The following CCSER2 variants were observed in gnomAD, a reference collection of about 807,000 sequenced individuals.
CCSER2 encodes coiled-coil serine rich protein 2, also known as serine-rich coiled-coil domain-containing protein 2.
Under a neutral mutation model 92.3 loss-of-function variants are expected in CCSER2, and 46 were observed. The ratio of observed to expected loss-of-function variants is 0.50; its 90% CI spans 0.39 to 0.64. The LOEUF (loss-of-function observed/expected upper bound fraction) is 0.64. CCSER2 is among the 30% of genes least tolerant of loss of function. The pLI is 0.00. For missense variants in CCSER2, 1,244 were observed against 1,238.9 expected (o/e 1.00, Z -0.06); for synonymous variants, 433 against 431.4 (o/e 1.00, Z -0.04).
chr10:84,393,691 G>A (rs1211991987), intron 3 of CCSER2, among the ~76,000 whole-genome samples: 1 of 152,096 alleles, frequency 6.6e-6, no homozygotes, highest in East Asian at 1.9e-4. Context: ...GTATTCCTGT[G>A]AATAAATCCT....
chr10:84,464,627 A>G (rs886669172), intron 7 of CCSER2, among the ~76,000 whole-genome samples: 1 of 152,210 alleles, frequency 6.6e-6, no homozygotes, highest in Non-Finnish European at 1.5e-5. Flanking sequence ...CTAGTCATCT[A>G]CAGTAACAAC....
intron 4 of CCSER2, among the ~76,000 whole-genome samples, chr10:84,419,088 C>T (rs777547132): frequency 3.9e-5 from 6 of 151,906 alleles, no homozygotes; most frequent in Non-Finnish European, 7.4e-5. Flanking sequence ...ATAAGCCATA[C>T]GAAATGGTCA....
chr10:84,396,271 GTATAT>G (rs1225130049), intron 3 of CCSER2, among the ~76,000 whole-genome samples: 12 of 148,736 alleles, frequency 8.1e-5, no homozygotes, highest in African/African-American at 2.2e-4. Flanking sequence ...AGTATATATA[GTATAT>G]TATATACCAT....
At chr10:84,468,343 A>G (rs1225252865) in intron 7 of CCSER2, among the ~76,000 whole-genome samples, 1 of 152,196 alleles carries the variant, frequency 6.6e-6, no homozygotes, top group Non-Finnish European at 1.5e-5. Flanking sequence ...CAGTGTTCCC[A>G]ATGCAAAGAG....
At position 84,371,676 on chromosome 10, in the gene CCSER2, C is replaced by G. The variant is rs780548735; in HGVS notation, c.624C>G (p.Asp208Glu). 3.7e-6 allele frequency: 6 copies of G among 1,613,764 alleles called. No homozygotes were observed. The highest frequency in any genetic ancestry group is 1.7e-5 in the Admixed American group (1 of 59,960). Residue 208 changes from aspartate (D) to glutamate (E), a missense_variant, in exon 2 of 10, where the codon GAC becomes GAG. By Grantham distance (45) the Asp-to-Glu change is conservative. Transcript: ENST00000372088. ...SSGESLAQSP[D>E]SSKSINCEKM... ...GAGAAAGCTTAGCTCAATCCCCAGACAGTAGTAAATCTATTAATTGTGAAA... is the reference window on the plus strand; with the variant it reads ...GAGAAAGCTTAGCTCAATCCCCAGAGAGTAGTAAATCTATTAATTGTGAAA...
intron 1 of CCSER2, among the ~76,000 whole-genome samples, chr10:84,337,068 G>T (rs776563305): frequency 3.9e-5 from 6 of 152,234 alleles, no homozygotes; most frequent in Non-Finnish European, 8.8e-5. Context: ...TTAGTAATCT[G>T]AGTGGAGATA....
At position 84,517,850 on chromosome 10, in the gene CCSER2, A is replaced by G. The variant is rs755835960; in HGVS notation, c.*3583A>G. The G allele has an allele frequency of 1.0e-4, 16 of 152,634 alleles. No homozygotes were observed. Among genetic ancestry groups the G allele is most frequent in the Non-Finnish European group, 2.2e-4 (15 of 68,060 alleles). The allele number at this position is 152,634 out of a possible 1,614,324, so 9.5% of individuals were successfully genotyped here. On this transcript the variant is annotated 3_prime_UTR_variant, in exon 10 of 10. Transcript: ENST00000372088. ...AGGTGCACTCTTGGTTTCTGAGCAG[A>G]GTTGTCATACTGGTTTCCTGGTCTC...
Position 84,477,568 on chromosome 10 carries a change from T to G in CCSER2, c.2236-7T>G, listed in dbSNP as rs1847223788. On this transcript the variant is annotated splice_region_variant and splice_polypyrimidine_tract_variant and intron_variant, in intron 8 of 9. Coordinates refer to ENST00000372088, the MANE Select transcript of CCSER2 (RefSeq NM_001284240.2). Reference sequence around the variant, plus strand: ...AACCAATGTAAAAATTTTGTGTTTTTGTTTAGGCAACTCAGCATATCTGCC... The same window carrying G: ...AACCAATGTAAAAATTTTGTGTTTTGGTTTAGGCAACTCAGCATATCTGCC... 6.3e-7 allele frequency: 1 copy of G among 1,588,586 alleles called. No homozygotes were observed. The highest frequency in any genetic ancestry group is 8.6e-7 in the Non-Finnish European group (1 of 1,158,228).
rs974363982 is a variant in CCSER2, at chr10:84,391,783, A to G, written c.1614+17968A>G. The G allele has an allele frequency of 4.2e-5, 66 of 1,566,336 alleles. No individual in the cohort carries two copies. In the Admixed American group the frequency reaches 9.6e-4, roughly 23 times the overall value. On this transcript the variant is annotated intron_variant, in intron 3 of 9. Transcript: ENST00000372088. Reference sequence around the variant, plus strand: ...ACCCTGGTGCACCTTTCTGAGAAACATAAGAGACAATGAGGAAAAGGATTC... The same window carrying G: ...ACCCTGGTGCACCTTTCTGAGAAACGTAAGAGACAATGAGGAAAAGGATTC...
chr10:84,486,165 C>T (rs1219817515), intron 9 of CCSER2, among the ~76,000 whole-genome samples: 1 of 152,102 alleles, frequency 6.6e-6, no homozygotes, highest in Non-Finnish European at 1.5e-5. Context: ...TGGGTTGGTT[C>T]CAAGTCTTTG....
At chr10:84,469,920 C>T (rs1297822825) in intron 7 of CCSER2, among the ~76,000 whole-genome samples, 1 of 151,598 alleles carries the variant, frequency 6.6e-6, no homozygotes, top group Non-Finnish European at 1.5e-5. Flanking sequence ...TTTAATTATT[C>T]TATTGCCTCT....
chr10:84,506,488 G>A (rs916668696), intron 9 of CCSER2, among the ~76,000 whole-genome samples: 1 of 152,134 alleles, frequency 6.6e-6, no homozygotes, highest in East Asian at 1.9e-4. Flanking sequence ...ACCTTTAGTG[G>A]TCTTCAATGG....
At chr10:84,425,629 A>G (rs1202897895) in intron 4 of CCSER2, 102 bp from the exon 5 acceptor site, 2 of 734,986 alleles carry the variant, frequency 2.7e-6, no homozygotes, top group East Asian at 3.3e-5. Flanking sequence ...TTTTTAAACT[A>G]TTATTTTTAT....
intron 1 of CCSER2, among the ~76,000 whole-genome samples, chr10:84,367,082 T>A (rs1346338237): frequency 1.3e-5 from 2 of 152,180 alleles, no homozygotes; most frequent in South Asian, 2.1e-4. Flanking sequence ...GTTTAAAAAA[T>A]TTTTTAAAGG....
At chr10:84,429,487 A>G (rs934688954) in intron 5 of CCSER2, among the ~76,000 whole-genome samples, 1 of 152,176 alleles carries the variant, frequency 6.6e-6, no homozygotes, top group South Asian at 2.1e-4. Context: ...GTTTTGCCAG[A>G]TGTAGACTTC....
intron 3 of CCSER2, among the ~76,000 whole-genome samples, chr10:84,393,314 C>G (rs1841633462): frequency 6.6e-6 from 1 of 152,058 alleles, no homozygotes; most frequent in African/African-American, 2.4e-5. Flanking sequence ...ACTCATGATT[C>G]TATCAAAACT....
intron 1 of CCSER2, among the ~76,000 whole-genome samples, chr10:84,334,732 T>C (rs1048742783): frequency 3.9e-5 from 6 of 152,206 alleles, no homozygotes; most frequent in Admixed American, 2.0e-4. Context: ...AGACAGGGGC[T>C]TGTTTTAAAT....
chr10:84,472,187 C>T (rs967930907), intron 8 of CCSER2, among the ~76,000 whole-genome samples: 10 of 152,040 alleles, frequency 6.6e-5, no homozygotes, highest in Non-Finnish European at 1.3e-4. Context: ...GAGAGACTTT[C>T]CTTGAGGATC....
intron 6 of CCSER2, among the ~76,000 whole-genome samples, chr10:84,456,589 C>G (rs747081150): frequency 6.6e-6 from 1 of 152,078 alleles, no homozygotes; most frequent in Non-Finnish European, 1.5e-5. Flanking sequence ...TTATTTCTCT[C>G]GGGTAAATAC....
Sources: allele counts gnomAD v4.1 joint callset (sites outside exome capture counted in the v4.1 genomes callset), GRCh38; gene constraint gnomAD v4.1.1; transcripts MANE v1.5; gene names NCBI Gene and HGNC (gene_info 2026-07-23, HGNC 2026-07-21).